Variants in NTM observed in about 807,000 individuals in gnomAD.
The protein encoded by NTM is neurotrimin.
NTM carries 13 observed loss-of-function variants against 42.1 expected under a neutral mutation model. The observed-to-expected ratio is 0.31, with a 90% CI of 0.20 to 0.49. The LOEUF (loss-of-function observed/expected upper bound fraction) is 0.49. Among genes scored for constraint, NTM ranks in the 20% least tolerant of loss-of-function variants. The pLI, the probability that NTM is intolerant of heterozygous loss-of-function variation, is 0.99. For synonymous variants in NTM, 187 were observed against 179.2 expected (o/e 1.04, Z -0.35); for missense variants, 373 against 452.8 (o/e 0.82, Z 1.60).
chr11:132,321,056 T>TA (rs1194368591), intron 7 of NTM, among the ~76,000 whole-genome samples: 1 of 151,212 alleles, frequency 6.6e-6, no homozygotes, highest in East Asian at 1.9e-4. Context: ...CAAAAGTAGA[T>TA]AAAACCACAA....
intron 2 of NTM, among the ~76,000 whole-genome samples, chr11:132,102,048 C>CA (rs2061690884): frequency 6.6e-6 from 1 of 152,206 alleles, no homozygotes; most frequent in Non-Finnish European, 1.5e-5. Context: ...TTGCCTGCTT[C>CA]ACGCCTCTAA....
chr11:132,325,933 C>G (rs956207551), intron 7 of NTM, among the ~76,000 whole-genome samples: 2 of 151,686 alleles, frequency 1.3e-5, no homozygotes, highest in Non-Finnish European at 1.5e-5. Flanking sequence ...AACCAAACAC[C>G]GCGTGTTCTC....
intron 1 of NTM, among the ~76,000 whole-genome samples, chr11:131,803,369 TGCAATCTTGGCTCACC>T (rs1160147547): frequency 5.9e-5 from 9 of 151,912 alleles, no homozygotes; most frequent in Admixed American, 2.0e-4. Context: ...AGTACAGTGG[TGCAATCTTGGCTCACC>T]GCAAGCTCTG....
chr11:132,021,700 G>T (rs1272056116), intron 2 of NTM, among the ~76,000 whole-genome samples: 1 of 151,934 alleles, frequency 6.6e-6, no homozygotes, highest in African/African-American at 2.4e-5. Flanking sequence ...CTTCCCATAG[G>T]TTGCCCCCCA....
At chr11:131,553,412 C>T (rs1021313482) in intron 1 of NTM, among the ~76,000 whole-genome samples, 1 of 152,196 alleles carries the variant, frequency 6.6e-6, no homozygotes, top group South Asian at 2.1e-4. Flanking sequence ...CACGCAGCTT[C>T]ACCTGAGGAC....
At chr11:131,979,762 C>T (rs1441055723) in intron 2 of NTM, among the ~76,000 whole-genome samples, 1 of 152,228 alleles carries the variant, frequency 6.6e-6, no homozygotes, top group Non-Finnish European at 1.5e-5. Flanking sequence ...TTGACATCCA[C>T]ATTTGACAAC....
intron 1 of NTM, among the ~76,000 whole-genome samples, chr11:131,704,900 G>A (rs1005377420): frequency 1.3e-5 from 2 of 152,038 alleles, no homozygotes; most frequent in Admixed American, 6.5e-5. Flanking sequence ...CTCAAAGACA[G>A]GTCATTTGAA....
At chr11:132,009,652 A>G (rs923531101) in intron 2 of NTM, among the ~76,000 whole-genome samples, 1 of 152,172 alleles carries the variant, frequency 6.6e-6, no homozygotes, top group African/African-American at 2.4e-5. Flanking sequence ...TGCACGCCAC[A>G]CTTGGAAGAT....
chr11:131,528,864 A>G (rs530670285), intron 1 of NTM, among the ~76,000 whole-genome samples: 2 of 151,724 alleles, frequency 1.3e-5, no homozygotes, highest in Non-Finnish European at 1.5e-5. Context: ...ATGTTTAGAC[A>G]TTTGATTTGA....
chr11:131,919,912 G>C (rs529575701), intron 2 of NTM, among the ~76,000 whole-genome samples: 80 of 152,208 alleles, frequency 5.3e-4, no homozygotes, highest in African/African-American at 1.8e-3. Context: ...CTATAATTGT[G>C]AGTTTTTTTG....
chr11:131,859,797 C>G (rs1015009681), intron 1 of NTM, among the ~76,000 whole-genome samples: 3 of 151,976 alleles, frequency 2.0e-5, no homozygotes, highest in Admixed American at 2.0e-4. Context: ...AGGATGATGT[C>G]GATTATGATA....
intron 1 of NTM, among the ~76,000 whole-genome samples, chr11:131,755,540 T>A (rs1044090984): frequency 6.6e-6 from 1 of 152,216 alleles, no homozygotes; most frequent in Non-Finnish European, 1.5e-5. Flanking sequence ...CCATGCAATA[T>A]TTGGGACATA....
intron 1 of NTM, among the ~76,000 whole-genome samples, chr11:131,740,865 G>T (rs1203653175): frequency 1.3e-5 from 2 of 152,126 alleles, no homozygotes; most frequent in Non-Finnish European, 2.9e-5. Flanking sequence ...TCATTTCCTT[G>T]GACTTTAAGA....
chr11:131,820,201 C>T (rs1374337445), intron 1 of NTM, among the ~76,000 whole-genome samples: 2 of 152,190 alleles, frequency 1.3e-5, no homozygotes, highest in East Asian at 1.9e-4. Context: ...TCTCCTGCAG[C>T]CACTGGATCC....
chr11:131,481,660 G>C (rs1285488274), intron 1 of NTM, among the ~76,000 whole-genome samples: 1 of 88,906 alleles, frequency 1.1e-5, no homozygotes, highest in African/African-American at 3.0e-5. Flanking sequence ...GTCAGCATAG[G>C]CAGCCACACA....
chr11:132,106,122 G>T (rs2062347584), intron 2 of NTM, among the ~76,000 whole-genome samples: 1 of 152,192 alleles, frequency 6.6e-6, no homozygotes. Flanking sequence ...TGAAACAATT[G>T]CCATTATCCC....
At chr11:131,634,476 C>T (rs1055852346) in intron 1 of NTM, among the ~76,000 whole-genome samples, 2 of 151,952 alleles carry the variant, frequency 1.3e-5, no homozygotes, top group East Asian at 3.9e-4. Context: ...TCTTCTAAGC[C>T]TAAACTAGCT....
At chr11:132,307,044 T>C (rs2095112888) in intron 4 of NTM, among the ~76,000 whole-genome samples, 1 of 152,206 alleles carries the variant, frequency 6.6e-6, no homozygotes, top group African/African-American at 2.4e-5. Context: ...TGCTTACAAC[T>C]AGGCATCGAG....
intron 1 of NTM, among the ~76,000 whole-genome samples, chr11:131,744,533 C>A (rs762050770): frequency 2.2e-4 from 34 of 152,064 alleles, no homozygotes; most frequent in Non-Finnish European, 4.4e-4. Flanking sequence ...CCTTTTCAAG[C>A]AGTCTGCGGA....
Sources: allele counts gnomAD v4.1 joint callset (sites outside exome capture counted in the v4.1 genomes callset), GRCh38; gene constraint gnomAD v4.1.1; transcripts MANE v1.5; gene names NCBI Gene and HGNC (gene_info 2026-07-23, HGNC 2026-07-21).